The following ABHD17B variants were observed in gnomAD, a reference collection of about 807,000 sequenced individuals.
ABHD17B encodes the protein alpha/beta hydrolase domain-containing protein 17B.
Under a neutral mutation model 26.2 loss-of-function variants are expected in ABHD17B, and 9 were observed. The observed-to-expected ratio is 0.34, with a 90% CI of 0.21 to 0.60. ABHD17B has a LOEUF of 0.60. Among genes scored for constraint, ABHD17B ranks in the 20% least tolerant of loss-of-function variants. The pLI is 0.80. For missense variants in ABHD17B, 224 were observed against 352.1 expected, an observed-to-expected ratio of 0.64 and a Z score of 2.91; for synonymous variants, 127 against 122.3, an observed-to-expected ratio of 1.04 and a Z score of -0.25.
chr9:71,901,703 T>C (rs1304615220), intron 1 of ABHD17B, among the ~76,000 whole-genome samples: 1 of 152,068 alleles, frequency 6.6e-6, no homozygotes, highest in Non-Finnish European at 1.5e-5. Flanking sequence ...TCTTTCCCCA[T>C]CCCCCTCTTC....
At chr9:71,864,334 C>T (rs1825899958), downstream of ABHD17B, among the ~76,000 whole-genome samples, 1 of 148,504 alleles carries the variant, frequency 6.7e-6, no homozygotes, top group South Asian at 2.1e-4. Context: ...ATTCTCCTGC[C>T]TCAGCCTCCC....
At chr9:71,883,917 A>G (rs1374188439) in intron 1 of ABHD17B, among the ~76,000 whole-genome samples, 1 of 152,056 alleles carries the variant, frequency 6.6e-6, no homozygotes, top group East Asian at 1.9e-4. Flanking sequence ...AGCTTGGGTG[A>G]CAGAGCAAGA....
chr9:71,906,719 G>C (rs1827294992), intron 1 of ABHD17B, among the ~76,000 whole-genome samples: 2 of 152,106 alleles, frequency 1.3e-5, no homozygotes, highest in Non-Finnish European at 2.9e-5. Flanking sequence ...TCAGGAGGCT[G>C]AAGTGGGAGG....
chr9:71,865,318 G>A lies in ABHD17B; in HGVS notation c.*1469C>T, dbSNP rs957008332. ...AGGCCTTAAAATATATCCACAGTGTGTATTATTTCCATATTCATTCATTTA... is the reference window on the plus strand; with the variant it reads ...AGGCCTTAAAATATATCCACAGTGTATATTATTTCCATATTCATTCATTTA... On this transcript the variant is annotated 3_prime_UTR_variant, in exon 4 of 4. Transcript: ENST00000333421. 8 of 984,936 alleles carry A rather than the reference G, an allele frequency of 8.1e-6. No homozygotes were observed. In the African/African-American group the frequency reaches 1.4e-4, roughly 17 times the overall value. The allele number at this position is 984,936 out of a possible 1,614,324, so 61.0% of individuals were successfully genotyped here.
At chr9:71,867,041 A>G in intron 3 of ABHD17B, 35 bp from the exon 4 acceptor site, 1 of 1,604,072 alleles carries the variant, frequency 6.2e-7, no homozygotes, top group Non-Finnish European at 8.5e-7. Context: ...AAATGCAATA[A>G]ATTAACTATG....
downstream of ABHD17B, among the ~76,000 whole-genome samples, chr9:71,863,707 T>G (rs2132112340): frequency 6.6e-6 from 1 of 152,332 alleles, no homozygotes; most frequent in East Asian, 1.9e-4. Flanking sequence ...ATAAAGTTAT[T>G]TCTCATACTG....
chr9:71,904,049 T>C (rs1419615684), intron 1 of ABHD17B, among the ~76,000 whole-genome samples: 2 of 152,238 alleles, frequency 1.3e-5, no homozygotes, highest in African/African-American at 2.4e-5. Context: ...TTTGCTAATA[T>C]CTGAATTGCT....
chr9:71,882,774 T>C (rs559932854), intron 1 of ABHD17B, among the ~76,000 whole-genome samples: 2 of 152,256 alleles, frequency 1.3e-5, no homozygotes, highest in East Asian at 3.9e-4. Context: ...AACAGGTTTC[T>C]TTCTGGGGTA....
intron 1 of ABHD17B, among the ~76,000 whole-genome samples, chr9:71,889,319 G>GC (rs1554701424): frequency 4.5e-4 from 66 of 146,056 alleles, no homozygotes; most frequent in African/African-American, 1.5e-3. Flanking sequence ...TCCGTCTAAA[G>GC]AAAAAAAAAA....
At chr9:71,892,845 G>A (rs1826830730) in intron 1 of ABHD17B, among the ~76,000 whole-genome samples, 1 of 151,918 alleles carries the variant, frequency 6.6e-6, no homozygotes, top group African/African-American at 2.4e-5. Context: ...CAGTTCCATG[G>A]CATTAAATAC....
intron 2 of ABHD17B, among the ~76,000 whole-genome samples, chr9:71,872,246 G>T (rs542336133): frequency 2.0e-5 from 3 of 152,024 alleles, no homozygotes; most frequent in Non-Finnish European, 4.4e-5. Context: ...GTTTCAACAC[G>T]AAAGAAAACA....
rs1180729763 is a variant in ABHD17B, at chr9:71,894,087, C to CAAAAAAAAAA, written c.-4+16537_-4+16546dup. Among the ~76,000 whole-genome samples the CAAAAAAAAAA allele has an allele frequency of 1.9e-4, 10 of 52,324 alleles. 1 individual carries two copies. Among genetic ancestry groups the CAAAAAAAAAA allele is most frequent in the African/African-American group, 8.6e-4 (10 of 11,630 alleles). The allele number at this position is 52,324 out of a possible 152,430, so 34.3% of individuals were successfully genotyped here. A position where few individuals can be genotyped will look rare whatever the true frequency, so the allele number is the denominator to read the frequency against. On this transcript the variant is annotated intron_variant, in intron 1 of 3. Coordinates refer to ENST00000333421, the MANE Select transcript of ABHD17B (RefSeq NM_001025780.3). Reference sequence around the variant, plus strand: ...TGGGCGACAGAGCGAGACTCTATCTCAAAAAAAAAAAAAAAAAAAAAAAAA... The same window carrying CAAAAAAAAAA: ...TGGGCGACAGAGCGAGACTCTATCTCAAAAAAAAAAAAAAAAAAAAAAAAAAAAAAAAAAA...
At chr9:71,882,963 G>A (rs563127228) in intron 1 of ABHD17B, among the ~76,000 whole-genome samples, 6 of 152,116 alleles carry the variant, frequency 3.9e-5, no homozygotes, top group African/African-American at 1.2e-4. Flanking sequence ...GACCAACATG[G>A]TGAAACCCTA....
chr9:71,879,370 G>GAA (rs578190015), intron 1 of ABHD17B, among the ~76,000 whole-genome samples: 264 of 152,258 alleles, frequency 1.7e-3, no homozygotes, highest in Admixed American at 2.6e-3. Flanking sequence ...ACAAAAGAGA[G>GAA]ACTACTTAAG....
intron 2 of ABHD17B, among the ~76,000 whole-genome samples, 177 bp downstream of exon 2, chr9:71,874,437 G>C (rs1826201312): frequency 6.6e-6 from 1 of 152,054 alleles, no homozygotes; most frequent in South Asian, 2.1e-4. Context: ...ACTTTGTTTT[G>C]CTATTATGTG....
intron 1 of ABHD17B, 79 bp from the exon 2 acceptor site, chr9:71,875,162 G>A (rs1293412625): frequency 8.9e-7 from 1 of 1,122,406 alleles, no homozygotes; most frequent in Non-Finnish European, 1.3e-6. Flanking sequence ...ACACAGACAT[G>A]GGTAAATTTT....
chr9:71,864,455 G>T (rs759454846), downstream of ABHD17B, among the ~76,000 whole-genome samples: 4 of 151,798 alleles, frequency 2.6e-5, no homozygotes, highest in Non-Finnish European at 5.9e-5. Flanking sequence ...TCCTGACCTC[G>T]TGATCCACCT....
In ABHD17B at chr9:71,870,231, A is replaced by G. The variant is rs767801055; in HGVS notation, c.499T>C (p.Tyr167His). ...YGIRPENVII[Y>H]GQSIGTVPSV... ...GGTACTGTCCCTATACTTTGGCCAT[A>G]TATAATCACATTTTCAGGGCGAATG... is the stretch of plus-strand genomic sequence containing the variant. The change falls in exon 3 of 4, where the codon TAT becomes CAT. Residue 167 changes from tyrosine to histidine, a missense_variant. Tyr to His is a moderately conservative substitution (Grantham distance 83). Coordinates refer to ENST00000333421, the MANE Select transcript of ABHD17B (RefSeq NM_001025780.3). The G allele has an allele frequency of 6.2e-7, 1 of 1,600,718 alleles. No individual in the cohort carries two copies.
chr9:71,881,954 G>A (rs1826456816), intron 1 of ABHD17B, among the ~76,000 whole-genome samples: 1 of 150,864 alleles, frequency 6.6e-6, no homozygotes, highest in Non-Finnish European at 1.5e-5. Context: ...ATAGACAAAG[G>A]GATTTATAGA....
Sources: gnomAD v4.1 joint callset for allele counts (sites outside exome capture counted in the v4.1 genomes callset) on GRCh38, gnomAD v4.1.1 for gene constraint, MANE v1.5 for transcripts, NCBI Gene and HGNC (gene_info 2026-07-23, HGNC 2026-07-21) for gene names.